RMDN2: variants seen among roughly 807,000 people sequenced by gnomAD.
RMDN2 encodes regulator of microtubule dynamics protein 2.
A neutral mutation model predicts 52.8 loss-of-function variants in RMDN2; 61 were observed. The ratio of observed to expected loss-of-function variants is 1.16; its 90% confidence interval spans 0.94 to 1.43. The LOEUF (loss-of-function observed/expected upper bound fraction) is 1.43, where lower values mean the gene tolerates loss of function less well. Among genes scored for constraint, RMDN2 ranks in the 40% most tolerant of loss-of-function variants. The probability of loss-of-function intolerance (pLI) is 0.00; values close to 1 mark genes in which losing one functional copy is unlikely to be tolerated. For synonymous variants in RMDN2, 180 were observed against 153.1 expected, an observed-to-expected ratio of 1.18 and a Z score of -1.30; for missense variants, 592 against 475.3, an observed-to-expected ratio of 1.25 and a Z score of -2.28.
chr2:38,011,829 G>A (rs904553207), intron 10 of RMDN2, among the ~76,000 whole-genome samples: 1 of 152,106 alleles, frequency 6.6e-6, no homozygotes, highest in African/African-American at 2.4e-5. Flanking sequence ...AGCAAAGCTC[G>A]GTTTGCCTGG....
At chr2:37,923,310 G>C (rs1666083436), upstream of RMDN2, 1 of 152,192 alleles carries the variant, frequency 6.6e-6, no homozygotes, top group Non-Finnish European at 1.5e-5. Flanking sequence ...CATAGTCTAT[G>C]TCCTGAACCT....
At chr2:37,991,876 T>C (rs1209504709) in intron 7 of RMDN2, among the ~76,000 whole-genome samples, 3 of 152,230 alleles carry the variant, frequency 2.0e-5, no homozygotes, top group Non-Finnish European at 2.9e-5. Flanking sequence ...TAAATGACAC[T>C]ATTAGTTTAT....
At chr2:37,969,529 A>C (rs1254458287) in intron 2 of RMDN2, among the ~76,000 whole-genome samples, 1 of 151,742 alleles carries the variant, frequency 6.6e-6, no homozygotes, top group Non-Finnish European at 1.5e-5. Context: ...GTATAAGAAC[A>C]AAATTGATTT....
chr2:37,983,347 C>T (rs775943121), intron 5 of RMDN2, among the ~76,000 whole-genome samples: 1 of 152,166 alleles, frequency 6.6e-6, no homozygotes, highest in Non-Finnish European at 1.5e-5. Flanking sequence ...CTGGGTTTCC[C>T]AGTCTGTCTT....
intron 10 of RMDN2, chr2:38,066,823 T>C (rs1682302818): frequency 3.2e-6 from 2 of 623,298 alleles, no homozygotes; most frequent in Non-Finnish European, 5.8e-6. Flanking sequence ...TGTCCTGACA[T>C]TTCCAAGATC....
intron 5 of RMDN2, 85 bp downstream of exon 5, chr2:37,981,428 C>T (rs1673298146): frequency 1.2e-6 from 1 of 851,412 alleles, no homozygotes; most frequent in Non-Finnish European, 2.0e-6. Flanking sequence ...ACTATTGACT[C>T]ATACGTTTAA....
chr2:38,010,553 A>T (rs1677824619), intron 10 of RMDN2, among the ~76,000 whole-genome samples: 1 of 152,122 alleles, frequency 6.6e-6, no homozygotes, highest in Non-Finnish European at 1.5e-5. Context: ...TGCTAAGACC[A>T]TTGGAAAAGC....
chr2:38,051,184 G>A (rs1681574076), intron 10 of RMDN2, among the ~76,000 whole-genome samples: 1 of 152,194 alleles, frequency 6.6e-6, no homozygotes. Context: ...TGGAATTCAT[G>A]CAATTAGACT....
chr2:38,047,509 G>A (rs1354767846), intron 10 of RMDN2, among the ~76,000 whole-genome samples: 2 of 152,176 alleles, frequency 1.3e-5, no homozygotes. Context: ...AAAGAAGCTG[G>A]ATGCAAAACA....
chr2:38,066,061 A>T (rs1302113382), intron 10 of RMDN2, among the ~76,000 whole-genome samples: 1 of 152,224 alleles, frequency 6.6e-6, no homozygotes, highest in Admixed American at 6.5e-5. Context: ...GGGTACAAAG[A>T]TAATGGGCTT....
At chr2:37,996,584 T>A (rs1158174063) in intron 7 of RMDN2, among the ~76,000 whole-genome samples, 1 of 125,758 alleles carries the variant, frequency 8.0e-6, no homozygotes, top group African/African-American at 3.2e-5. Context: ...AGGTGAGACA[T>A]TGCCAAAAAA....
intron 2 of RMDN2, among the ~76,000 whole-genome samples, chr2:37,935,812 T>G (rs1322558306): frequency 6.6e-6 from 1 of 152,238 alleles, no homozygotes; most frequent in African/African-American, 2.4e-5. Context: ...TATTTCATTC[T>G]TTTTAAGTGC....
intron 7 of RMDN2, among the ~76,000 whole-genome samples, chr2:37,995,843 A>G (rs939819832): frequency 1.3e-5 from 2 of 152,246 alleles, no homozygotes; most frequent in Admixed American, 6.5e-5. Flanking sequence ...TAGAAATGAT[A>G]ATGAAAACCC....
intron 10 of RMDN2, among the ~76,000 whole-genome samples, chr2:38,042,443 C>CA (rs1558582724): frequency 0.041 from 4,267 of 103,256 alleles, 221 homozygotes; most frequent in African/African-American, 0.11. Flanking sequence ...CACACACACA[C>CA]CACACACACA....
At chr2:37,978,326 G>A (rs1313952296) in intron 4 of RMDN2, among the ~76,000 whole-genome samples, 1 of 96,740 alleles carries the variant, frequency 1.0e-5, no homozygotes, top group Non-Finnish European at 2.0e-5. Context: ...GGAGGGGGGA[G>A]AGGGAGGGGG....
chr2:37,924,558 G>C (rs1666130273), upstream of RMDN2, among the ~76,000 whole-genome samples: 1 of 151,912 alleles, frequency 6.6e-6, no homozygotes, highest in Non-Finnish European at 1.5e-5. Context: ...TAGAGACAGG[G>C]GTTTCGCCAC....
chr2:38,030,541 A>G (rs1680121310), intron 10 of RMDN2: 1 of 152,256 alleles, frequency 6.6e-6, no homozygotes, highest in African/African-American at 2.4e-5. Context: ...TCCAGTCCAT[A>G]TAGTGAAAGC....
intron 10 of RMDN2, among the ~76,000 whole-genome samples, chr2:38,063,180 C>G (rs1682127451): frequency 2.0e-5 from 3 of 152,266 alleles, no homozygotes; most frequent in Admixed American, 6.5e-5. Context: ...CTAGATCCCT[C>G]AGGAATCGCC....
At chr2:37,938,683 G>A (rs1442340095) in intron 2 of RMDN2, among the ~76,000 whole-genome samples, 1 of 152,164 alleles carries the variant, frequency 6.6e-6, no homozygotes, top group Non-Finnish European at 1.5e-5. Context: ...TATTTGTGTA[G>A]AGGTGTTTAT....
Sources: allele counts gnomAD v4.1 joint callset (sites outside exome capture counted in the v4.1 genomes callset), GRCh38; gene constraint gnomAD v4.1.1; transcripts MANE v1.5; gene names NCBI Gene and HGNC (gene_info 2026-07-23, HGNC 2026-07-21).